Variants in UNC13C observed in about 807,000 individuals in gnomAD.
UNC13C encodes unc-13 homolog C.
Under a neutral mutation model 245.4 loss-of-function variants are expected in UNC13C, and 174 were observed. The ratio of observed to expected loss-of-function variants is 0.71; its 90% CI spans 0.63 to 0.80. The LOEUF (loss-of-function observed/expected upper bound fraction) is 0.80. UNC13C is among the 30% of genes least tolerant of loss of function. UNC13C has a pLI of 0.00. For synonymous variants in UNC13C, 992 were observed against 895.1 expected (o/e 1.11, Z -1.93); for missense variants, 2,829 against 2,602.9 (o/e 1.09, Z -1.89).
chr15:53,928,372 G>A, the UNC13C span, among the ~76,000 whole-genome samples: 1 of 152,206 alleles, frequency 6.6e-6, no homozygotes, highest in Non-Finnish European at 1.5e-5. Flanking sequence ...TCATGTTATT[G>A]TTTGTGGCTT....
intron 30 of UNC13C, among the ~76,000 whole-genome samples, chr15:54,592,358 C>G (rs1378404219): frequency 6.6e-6 from 1 of 152,156 alleles, no homozygotes; most frequent in African/African-American, 2.4e-5. Flanking sequence ...TGTCGACTTT[C>G]TGTCTTGATG....
intron 4 of UNC13C, among the ~76,000 whole-genome samples, chr15:54,183,604 C>G (rs755345306): frequency 2.0e-4 from 31 of 151,976 alleles, no homozygotes; most frequent in Non-Finnish European, 3.7e-4. Context: ...AAGAAATTTA[C>G]TCACATAGGG....
intron 8 of UNC13C, among the ~76,000 whole-genome samples, chr15:54,263,824 G>A (rs923749567): frequency 6.6e-6 from 1 of 152,100 alleles, no homozygotes; most frequent in Non-Finnish European, 1.5e-5. Flanking sequence ...AGAAATATGT[G>A]TGGTATGTAA....
rs563342775 is a variant in UNC13C, at chr15:54,040,491, C to A, written c.2983+24605C>A. 1.7e-3 allele frequency among the ~76,000 whole-genome samples: 252 copies of A among 152,232 alleles called. 2 individuals carry two copies. Among genetic ancestry groups the A allele is most frequent in the African/African-American group, 5.8e-3 (241 of 41,538 alleles). On this transcript the variant is annotated intron_variant, in intron 2 of 32. Transcript: ENST00000260323. The stretch of plus-strand genomic sequence containing the variant: ...ACAAGGGCTTCAGGTGATTCTTACA[C>A]CCTAATTAATGTTTGAGAAACACTC...
At chr15:54,134,512 G>GT (rs1212995916) in intron 2 of UNC13C, among the ~76,000 whole-genome samples, 2 of 151,318 alleles carry the variant, frequency 1.3e-5, no homozygotes, top group Non-Finnish European at 2.9e-5. Context: ...TTTGTTTTTT[G>GT]TTTTTTGTTT....
At chr15:53,981,546 C>T (rs1893927584) in intron 1 of UNC13C, among the ~76,000 whole-genome samples, 1 of 152,046 alleles carries the variant, frequency 6.6e-6, no homozygotes, top group Non-Finnish European at 1.5e-5. Context: ...ATTTGTATTT[C>T]TGTTGTTATT....
At chr15:54,200,463 T>G (rs886896309) in intron 4 of UNC13C, among the ~76,000 whole-genome samples, 1 of 151,906 alleles carries the variant, frequency 6.6e-6, no homozygotes, top group Non-Finnish European at 1.5e-5. Flanking sequence ...TTAAAACCAT[T>G]GAAATTGTGT....
chr15:54,050,013 A>T (rs1221208153), intron 2 of UNC13C: 1 of 234,942 alleles, frequency 4.3e-6, no homozygotes, highest in Non-Finnish European at 8.6e-6. Flanking sequence ...TCTGTCTCCC[A>T]GGCAAGAGTG....
intron 4 of UNC13C, among the ~76,000 whole-genome samples, chr15:54,216,777 C>A (rs2035052948): frequency 6.6e-6 from 1 of 151,978 alleles, no homozygotes; most frequent in Non-Finnish European, 1.5e-5. Context: ...CCTTGCCTCA[C>A]AAGCGTGAAC....
chr15:54,049,622 G>A (rs942915202), intron 2 of UNC13C: 5 of 250,944 alleles, frequency 2.0e-5, no homozygotes, highest in East Asian at 1.3e-4. Flanking sequence ...CACCACAGGT[G>A]CAAAAACAAC....
At chr15:54,557,924 A>G (rs1198973498) in intron 29 of UNC13C, among the ~76,000 whole-genome samples, 5 of 152,088 alleles carry the variant, frequency 3.3e-5, no homozygotes, top group African/African-American at 1.2e-4. Context: ...ATGCAGCCAT[A>G]AAAAATGATG....
chr15:54,220,497 A>G (rs2035190651), intron 4 of UNC13C, among the ~76,000 whole-genome samples: 2 of 151,116 alleles, frequency 1.3e-5, no homozygotes, highest in South Asian at 4.2e-4. Context: ...CCTAATGCTA[A>G]ATGACGAGTT....
At chr15:54,022,672 C>A (rs144332008) in intron 2 of UNC13C, among the ~76,000 whole-genome samples, 1 of 152,156 alleles carries the variant, frequency 6.6e-6, no homozygotes, top group South Asian at 2.1e-4. Flanking sequence ...ATATGGTTTG[C>A]AAATAATATT....
intron 4 of UNC13C, among the ~76,000 whole-genome samples, chr15:54,153,863 G>T (rs535776280): frequency 6.6e-6 from 1 of 151,900 alleles, no homozygotes; most frequent in Non-Finnish European, 1.5e-5. Flanking sequence ...GTACTCAGGG[G>T]TGGCTCTTAT....
chr15:54,603,928 T>C (rs1899605167), intron 30 of UNC13C, among the ~76,000 whole-genome samples: 1 of 152,260 alleles, frequency 6.6e-6, no homozygotes, highest in African/African-American at 2.4e-5. Flanking sequence ...TCTTTTTTTT[T>C]CCTCCTACCT....
intron 19 of UNC13C, among the ~76,000 whole-genome samples, chr15:54,482,149 A>T (rs1335667684): frequency 6.6e-6 from 1 of 152,084 alleles, no homozygotes; most frequent in Non-Finnish European, 1.5e-5. Flanking sequence ...AGAGTAGTGG[A>T]AACTCAGCTG....
At chr15:54,057,648 C>A (rs1449105431) in intron 2 of UNC13C, among the ~76,000 whole-genome samples, 1 of 152,194 alleles carries the variant, frequency 6.6e-6, no homozygotes, top group East Asian at 1.9e-4. Context: ...CCCAAATCAA[C>A]AGAATATACA....
At chr15:54,624,273 G>GGTAA (rs1163382544) in intron 32 of UNC13C, among the ~76,000 whole-genome samples, 1 of 152,162 alleles carries the variant, frequency 6.6e-6, no homozygotes, top group Non-Finnish European at 1.5e-5. Flanking sequence ...AGAACTATGT[G>GGTAA]GTAAGTGCTA....
chr15:54,515,643 T>C (rs1250168709), intron 24 of UNC13C, among the ~76,000 whole-genome samples: 1 of 152,170 alleles, frequency 6.6e-6, no homozygotes, highest in Non-Finnish European at 1.5e-5. Context: ...CATTAATCCT[T>C]CACAATATTT....
Sources: gnomAD v4.1 joint callset for allele counts (sites outside exome capture counted in the v4.1 genomes callset) on GRCh38, gnomAD v4.1.1 for gene constraint, MANE v1.5 for transcripts, NCBI Gene and HGNC (gene_info 2026-07-23, HGNC 2026-07-21) for gene names.